Variants in EPN3 observed in about 807,000 individuals in gnomAD.
EPN3 encodes the protein epsin 3.
A neutral mutation model predicts 55.5 loss-of-function variants in EPN3; 56 were observed. The ratio of observed to expected loss-of-function variants is 1.01; its 90% CI spans 0.81 to 1.26. The LOEUF is 1.26. EPN3 is among the 50% of genes most tolerant of loss of function. The pLI, the probability that EPN3 is intolerant of heterozygous loss-of-function variation, is 0.00. For synonymous variants in EPN3, 449 were observed against 375.2 expected (o/e 1.20, Z -2.27); for missense variants, 927 against 853.4 (o/e 1.09, Z -1.07).
At chr17:50,534,114 CCTCCCTTCTCTGCGCTTGGG>C (rs1178406210) in intron 1 of EPN3, among the ~76,000 whole-genome samples, 1 of 149,682 alleles carries the variant, frequency 6.7e-6, no homozygotes, top group Admixed American at 6.9e-5. Context: ...TTCCTTTCCT[CCTCCCTTCTCTGCGCTTGGG>C]CAGGCTTCTT....
chr17:50,539,804 G>A (rs1027722994), intron 5 of EPN3, among the ~76,000 whole-genome samples: 2 of 152,186 alleles, frequency 1.3e-5, no homozygotes, highest in African/African-American at 2.4e-5. Flanking sequence ...TGCCACGCCC[G>A]GGTGCTGTGG....
At chr17:50,539,664 G>A (rs77794389) in intron 5 of EPN3, among the ~76,000 whole-genome samples, 5,283 of 152,280 alleles carry the variant, frequency 0.035, 210 homozygotes, top group Admixed American at 0.12. Context: ...AGGATTATGT[G>A]ATACTGTCAA....
chr17:50,538,216 A>G lies in EPN3; in HGVS notation c.681+19A>G, dbSNP rs1382223092. Reference sequence around the variant, plus strand: ...AGAGAAGGTGAGGCCATGCAGCCCCACTGCGGTGGGGAGGGGATGGGCTAG... The same window carrying G: ...AGAGAAGGTGAGGCCATGCAGCCCCGCTGCGGTGGGGAGGGGATGGGCTAG... On this transcript the variant is annotated intron_variant, in intron 3 of 9. Transcript: ENST00000268933. 2 of 1,591,810 alleles carry G rather than the reference A, an allele frequency of 1.3e-6. No homozygotes were observed. The highest frequency in any genetic ancestry group is 1.7e-5 in the Admixed American group (1 of 59,674).
At chr17:50,538,282 C>A (rs1167151658) in intron 3 of EPN3, 85 bp downstream of exon 3, 1 of 1,037,016 alleles carries the variant, frequency 9.6e-7, no homozygotes, top group Non-Finnish European at 1.4e-6. Flanking sequence ...TTGACTCAGG[C>A]TCTGTCACCC....
chr17:50,542,190 C>T lies in EPN3; in HGVS notation c.*33C>T, dbSNP rs1361469409. 4 of 1,439,040 alleles carry T rather than the reference C, an allele frequency of 2.8e-6. 1 individual carries two copies. The highest frequency in any genetic ancestry group is 3.0e-5 in the African/African-American group (2 of 66,680). 89.1% of individuals were successfully genotyped at this position (1,439,040 alleles called of 1,614,324 possible). On this transcript the variant is annotated 3_prime_UTR_variant, in exon 10 of 10. Coordinates refer to ENST00000268933, the MANE Select transcript of EPN3 (RefSeq NM_017957.3). Reference sequence around the variant, plus strand: ...CCCGTCCCATACCGGCCTGCGCCTGCGCCGGACGCTCCGCGGCCCCGCCTC... The same window carrying T: ...CCCGTCCCATACCGGCCTGCGCCTGTGCCGGACGCTCCGCGGCCCCGCCTC...
In EPN3 at chr17:50,532,888, C is replaced by T. The variant is rs186833208; in HGVS notation, c.-234C>T. 50 of 1,286,170 alleles carry T rather than the reference C, an allele frequency of 3.9e-5. No individual in the cohort carries two copies. The highest frequency in any genetic ancestry group is 4.5e-4 in the Middle Eastern group (2 of 4,444). The allele number at this position is 1,286,170 out of a possible 1,614,324, so 79.7% of individuals were successfully genotyped here. ...GGTCCATGGTGGATGGCTCTGGAGACGCTCCCGAGGCTGTGCCGTCCCGCT... is the reference window on the plus strand; with the variant it reads ...GGTCCATGGTGGATGGCTCTGGAGATGCTCCCGAGGCTGTGCCGTCCCGCT... On this transcript the variant is annotated 5_prime_UTR_variant, in exon 1 of 10. It adds an upstream start codon to the 5' untranslated region. Transcript: ENST00000268933.
intron 1 of EPN3, among the ~76,000 whole-genome samples, chr17:50,533,742 C>A (rs1342099004): frequency 6.6e-6 from 1 of 152,172 alleles, no homozygotes; most frequent in Non-Finnish European, 1.5e-5. Context: ...ATACTCCGTG[C>A]CCCGTGGCCC....
chr17:50,542,241 G>T lies in EPN3; in HGVS notation c.*84G>T, dbSNP rs2034861137. 1.5e-6 allele frequency: 2 copies of T among 1,349,354 alleles called. No homozygotes were observed. Among genetic ancestry groups the T allele is most frequent in the Admixed American group, 3.9e-5 (1 of 25,910 alleles). The allele number at this position is 1,349,354 out of a possible 1,614,324, so 83.6% of individuals were successfully genotyped here. On this transcript the variant is annotated 3_prime_UTR_variant, in exon 10 of 10. Coordinates refer to ENST00000268933, the MANE Select transcript of EPN3 (RefSeq NM_017957.3). ...CGGACCCGGGGCTGGGCGGGGCGCC[G>T]GTGCTAGTGGAACGCCGAGCCAGTG...
At chr17:50,536,393 CCT>C (rs776871243) in intron 1 of EPN3, 26 bp from the exon 2 acceptor site, 23 of 1,454,066 alleles carry the variant, frequency 1.6e-5, no homozygotes, top group Middle Eastern at 1.9e-4. Flanking sequence ...GGCCTCTGCC[CCT>C]GAGTTCCTGG....
At position 50,541,928 on chromosome 17, in the gene EPN3, C is replaced by A. The variant is rs749570640; in HGVS notation, c.1670C>A (p.Pro557Gln). ...CTAAACCAGATGCGCACCGGCTCGC[C>A]GGCGCTGGGCCTGGCAGGCGGGCCT... ...PTLNQMRTGS[P>Q]ALGLAGGPVG... The change falls in exon 10 of 10, where the codon CCG becomes CAG. Residue 557 changes from proline to glutamine, a missense_variant. Pro to Gln is a moderately conservative substitution (Grantham distance 76, BLOSUM62 -1). Coordinates refer to ENST00000268933, the MANE Select transcript of EPN3 (RefSeq NM_017957.3). 6.3e-7 allele frequency: 1 copy of A among 1,599,852 alleles called. No individual in the cohort carries two copies. Among genetic ancestry groups the A allele is most frequent in the Non-Finnish European group, 8.5e-7 (1 of 1,178,316 alleles).
rs1238857997 is a variant in EPN3 at position 50,543,346 on chromosome 17, G to T, written c.*1189G>T. 1 of 152,284 alleles carries T rather than the reference G, an allele frequency of 6.6e-6. No homozygotes were observed. Among genetic ancestry groups the T allele is most frequent in the African/African-American group, 2.4e-5 (1 of 41,456 alleles). 9.4% of individuals were successfully genotyped at this position (152,284 alleles called of 1,614,324 possible). On this transcript the variant is annotated 3_prime_UTR_variant, in exon 10 of 10. Coordinates refer to ENST00000268933, the MANE Select transcript of EPN3 (RefSeq NM_017957.3). Reference sequence around the variant, plus strand: ...TGTGGAGTCTGGGAAACCAAGGGTGGGGTGAGGCCTGGTACTCAATCCAGG... The same window carrying T: ...TGTGGAGTCTGGGAAACCAAGGGTGTGGTGAGGCCTGGTACTCAATCCAGG...
chr17:50,540,732 A>C, intron 6 of EPN3, 61 bp from the exon 7 acceptor site: 1 of 1,516,190 alleles, frequency 6.6e-7, no homozygotes, highest in Non-Finnish European at 8.9e-7. Flanking sequence ...GTAACTGGGA[A>C]GGGCCCTGGG....
chr17:50,542,152 C>A lies in EPN3; in HGVS notation c.1894C>A (p.Leu632Ile), dbSNP rs763965821. Residue 632 changes from leucine to isoleucine, a missense_variant, in exon 10 of 10, where the codon CTC becomes ATC. Transcript: ENST00000268933. ...CCCGCAGACCGGCACCAACCCCTTC[C>A]TCTGAGCCCCGCCCCGTCCCATACC... Reference protein sequence around the residue: ...PPPQTGTNPFL With the variant: ...PPPQTGTNPFI 6.7e-7 allele frequency: 1 copy of A among 1,497,970 alleles called. No homozygotes were observed. The highest frequency in any genetic ancestry group is 2.8e-5 in the East Asian group (1 of 36,202). 92.8% of individuals were successfully genotyped at this position (1,497,970 alleles called of 1,614,324 possible). A position where few individuals can be genotyped will look rare whatever the true frequency, so the allele number is the denominator to read the frequency against.
intron 1 of EPN3, 175 bp from the exon 2 acceptor site, chr17:50,536,246 T>G (rs1482466332): frequency 5.0e-6 from 2 of 404,036 alleles, no homozygotes; most frequent in East Asian, 4.9e-5. Flanking sequence ...GATAGATAGA[T>G]GAGCATGCAA....
chr17:50,540,331 C>A lies in EPN3; in HGVS notation c.976C>A (p.Pro326Thr), dbSNP rs754900480. ...THCSADPWDI[P>T]GFRPNTEASG... ...CTGCTCTGCTGACCCATGGGACATC[C>A]CAGGTGGGCATGCAGGGCTGCAAGA... The change falls in exon 6 of 10, where the codon CCA (proline) becomes ACA (threonine). Residue 326 changes from proline (P) to threonine (T), a missense_variant. Physicochemically the swap from Pro to Thr is conservative, Grantham distance 38. Transcript: ENST00000268933. 4.3e-6 allele frequency: 7 copies of A among 1,610,028 alleles called. No individual in the cohort carries two copies. In the African/African-American group the frequency reaches 8.0e-5, roughly 18 times the overall value.
Position 50,542,344 on chromosome 17 carries a change from A to C in EPN3, c.*187A>C. On this transcript the variant is annotated 3_prime_UTR_variant, in exon 10 of 10. Coordinates refer to ENST00000268933, the MANE Select transcript of EPN3 (RefSeq NM_017957.3). ...GAGCTAGAAACTGAACGCCCGCATA[A>C]TAAAGACTGGAACCCTCGTTCTCAG... 1.8e-6 allele frequency: 1 copy of C among 564,036 alleles called. No individual in the cohort carries two copies. The highest frequency in any genetic ancestry group is 2.8e-6 in the Non-Finnish European group (1 of 354,360). 34.9% of individuals were successfully genotyped at this position (564,036 alleles called of 1,614,324 possible).
rs1397003066 is a variant in EPN3 at position 50,543,500 on chromosome 17, C to A, written c.*1343C>A. On this transcript the variant is annotated 3_prime_UTR_variant, in exon 10 of 10. Transcript: ENST00000268933. Reference sequence around the variant, plus strand: ...AGGCAGCCTGCAGCCAGCCTCCATCCCCCTTTCAGGGACAAATGGCCTTCC... The same window carrying A: ...AGGCAGCCTGCAGCCAGCCTCCATCACCCTTTCAGGGACAAATGGCCTTCC... 1 of 152,260 alleles carries A rather than the reference C, an allele frequency of 6.6e-6. No homozygotes were observed. The highest frequency in any genetic ancestry group is 1.5e-5 in the Non-Finnish European group (1 of 68,060). The allele number at this position is 152,260 out of a possible 1,614,324, so 9.4% of individuals were successfully genotyped here.
At chr17:50,537,281 G>A in intron 2 of EPN3, 163 bp downstream of exon 2, 2 of 701,150 alleles carry the variant, frequency 2.9e-6, no homozygotes, top group Non-Finnish European at 4.6e-6. Flanking sequence ...GCACATAGGA[G>A]GTGCTCAACA....
rs750139142 is a variant in EPN3 at position 50,541,878 on chromosome 17, C to T, written c.1620C>T (p.Gly540=). The change falls in exon 10 of 10, where the codon GGC becomes GGT. Residue 540 remains glycine (G), a synonymous_variant. Transcript: ENST00000268933. ...CTCCGTCCCCCACCAACCCGTTCGG[C>T]GCGGGCGAGCCGGGCAGGCCGACGC... ...LSAPSPTNPF[G]AGEPGRPTLN... is the part of the protein sequence containing the mutation. 2 of 1,608,456 alleles carry T rather than the reference C, an allele frequency of 1.2e-6. No homozygotes were observed. The highest frequency in any genetic ancestry group is 1.7e-5 in the Admixed American group (1 of 59,980).
Sources: allele counts gnomAD v4.1 joint callset (sites outside exome capture counted in the v4.1 genomes callset), GRCh38; gene constraint gnomAD v4.1.1; transcripts MANE v1.5; gene names NCBI Gene and HGNC (gene_info 2026-07-23, HGNC 2026-07-21).